CUX2: variants seen among roughly 807,000 people sequenced by gnomAD.
CUX2 encodes homeobox protein cut-like 2.
CUX2 carries 40 observed loss-of-function variants against 144.8 expected under a neutral mutation model. That is an observed-to-expected ratio of 0.28 (90% CI 0.21 to 0.36). CUX2 has a LOEUF of 0.36. CUX2 is among the 10% of genes least tolerant of loss of function. CUX2 has a pLI of 1.00. For missense variants in CUX2, 1,615 were observed against 1,994.0 expected, an observed-to-expected ratio of 0.81 and a Z score of 3.62; for synonymous variants, 827 against 875.6, an observed-to-expected ratio of 0.94 and a Z score of 0.98.
intron 1 of CUX2, among the ~76,000 whole-genome samples, chr12:111,119,448 A>T (rs116585465): frequency 0.014 from 2,179 of 151,506 alleles, 48 homozygotes; most frequent in African/African-American, 0.049. Context: ...TAAAAAAAAA[A>T]TTTTTTTTCT....
At chr12:111,245,355 G>A (rs1433218649) in intron 3 of CUX2, among the ~76,000 whole-genome samples, 1 of 151,084 alleles carries the variant, frequency 6.6e-6, no homozygotes, top group Admixed American at 6.6e-5. Flanking sequence ...GGGCAACATA[G>A]TGAGACCCCC....
chr12:111,317,382 CTG>C (rs1476445593), intron 16 of CUX2, among the ~76,000 whole-genome samples: 2 of 150,930 alleles, frequency 1.3e-5, no homozygotes, highest in Non-Finnish European at 1.5e-5. Context: ...TCTCAGGTGT[CTG>C]TGTGTATGTG....
At chr12:111,195,683 G>A (rs1428922611) in intron 1 of CUX2, among the ~76,000 whole-genome samples, 2 of 152,282 alleles carry the variant, frequency 1.3e-5, no homozygotes, top group African/African-American at 2.4e-5. Context: ...GGTAATCACC[G>A]TAGCTAGGGA....
chr12:111,131,978 C>T (rs1401317815), intron 1 of CUX2, among the ~76,000 whole-genome samples: 2 of 152,214 alleles, frequency 1.3e-5, no homozygotes, highest in Non-Finnish European at 2.9e-5. Context: ...AGGCAGTGCC[C>T]CAGTAGGGAC....
At chr12:111,167,695 TTTGTTTG>T (rs756965606) in intron 1 of CUX2, among the ~76,000 whole-genome samples, 2,480 of 150,450 alleles carry the variant, frequency 0.016, 59 homozygotes, top group African/African-American at 0.055. Flanking sequence ...TGTTTGTTTG[TTTGTTTG>T]TTTCTTTTTT....
chr12:111,199,177 G>A (rs1003744181), intron 1 of CUX2, among the ~76,000 whole-genome samples: 2 of 152,158 alleles, frequency 1.3e-5, no homozygotes, highest in African/African-American at 2.4e-5. Context: ...TTGAAGAGAC[G>A]TGGCTGGGAT....
chr12:111,340,498 C>T (rs1045065523), intron 20 of CUX2, among the ~76,000 whole-genome samples: 4 of 152,072 alleles, frequency 2.6e-5, no homozygotes, highest in African/African-American at 7.2e-5. Flanking sequence ...TGCTTGAGGC[C>T]AAGAGTTTGA....
intron 1 of CUX2, among the ~76,000 whole-genome samples, chr12:111,054,494 CTTTTTAAATT>C (rs761957082): frequency 5.9e-5 from 9 of 152,194 alleles, no homozygotes; most frequent in Admixed American, 1.3e-4. Flanking sequence ...CTCAGAAGAG[CTTTTTAAATT>C]TTTTTAAATT....
At chr12:111,131,181 C>T (rs1421548883) in intron 1 of CUX2, among the ~76,000 whole-genome samples, 1 of 152,116 alleles carries the variant, frequency 6.6e-6, no homozygotes, top group Non-Finnish European at 1.5e-5. Flanking sequence ...AGGCAAAAGG[C>T]ACTTCTTACA....
chr12:111,140,035 GC>G, intron 1 of CUX2, among the ~76,000 whole-genome samples: 1 of 152,284 alleles, frequency 6.6e-6, no homozygotes, highest in East Asian at 1.9e-4. Flanking sequence ...CGTGGGACCT[GC>G]CCTACAGTGT....
In CUX2 at chr12:111,320,703, G is replaced by A. The variant is rs1329069352; in HGVS notation, c.2694G>A (p.Thr898=). 39 of 1,591,614 alleles carry A rather than the reference G, an allele frequency of 2.5e-5. No homozygotes were observed. The highest frequency in any genetic ancestry group is 1.7e-4 in the Middle Eastern group (1 of 5,928). The change falls in exon 17 of 22, where the codon ACG becomes ACA. Residue 898 remains threonine (T), a synonymous_variant. Coordinates refer to ENST00000261726, the MANE Select transcript of CUX2 (RefSeq NM_015267.4). This position sits in a 1 kb window ranked among gnomAD's most constrained non-coding sequence, Gnocchi z 8.1. ...YELYMYREVD[T]LELTRQVKEK... ...TGTACATGTACCGTGAGGTAGACACGCTGGAGCTCACCCGCCAGGTCAAGG... is the reference window on the plus strand; with the variant it reads ...TGTACATGTACCGTGAGGTAGACACACTGGAGCTCACCCGCCAGGTCAAGG...
In CUX2 at chr12:111,348,055, G is replaced by T; in HGVS notation, c.4191G>T (p.Ser1397=). Residue 1397 remains serine (S), a synonymous_variant, in exon 22 of 22, where the codon TCG becomes TCT. Transcript: ENST00000261726. ...GCAGCCTGGAGGTGTCACTGAACTC[G>T]CCCTCGGCCGCCTCCTCACCAGGCC... ...SRCSLEVSLN[S]PSAASSPGLM... 1.9e-6 allele frequency: 3 copies of T among 1,613,942 alleles called. No homozygotes were observed. Among genetic ancestry groups the T allele is most frequent in the South Asian group, 2.2e-5 (2 of 91,074 alleles).
At chr12:111,257,715 C>T (rs1883911405) in intron 3 of CUX2, among the ~76,000 whole-genome samples, 1 of 139,694 alleles carries the variant, frequency 7.2e-6, no homozygotes, top group South Asian at 2.5e-4. Flanking sequence ...CATTCTCCAT[C>T]TTCCTCCTCT....
chr12:111,308,858 C>G (rs1886732532), intron 14 of CUX2, among the ~76,000 whole-genome samples: 1 of 152,282 alleles, frequency 6.6e-6, no homozygotes, highest in East Asian at 1.9e-4. Flanking sequence ...CCACAGCCGA[C>G]CACTGTGGGG....
At chr12:111,145,791 C>T (rs905665972) in intron 1 of CUX2, among the ~76,000 whole-genome samples, 8 of 152,124 alleles carry the variant, frequency 5.3e-5, no homozygotes, top group Admixed American at 2.6e-4. Flanking sequence ...CTCAGCCTCC[C>T]GAGTAGCTGG....
intron 4 of CUX2, among the ~76,000 whole-genome samples, chr12:111,275,900 C>T (rs760256316): frequency 1.3e-5 from 2 of 152,110 alleles, no homozygotes; most frequent in South Asian, 2.1e-4. Context: ...CAGGGTCTAA[C>T]GAAAATTCAG....
chr12:111,231,809 T>G (rs1882475148), intron 3 of CUX2, among the ~76,000 whole-genome samples: 1 of 152,156 alleles, frequency 6.6e-6, no homozygotes, highest in Non-Finnish European at 1.5e-5. Context: ...TAGAGATGAT[T>G]TAAAGTATAC....
At chr12:111,118,140 T>A (rs1337775485) in intron 1 of CUX2, among the ~76,000 whole-genome samples, 2 of 152,172 alleles carry the variant, frequency 1.3e-5, no homozygotes, top group Non-Finnish European at 2.9e-5. Context: ...TTATATCAGT[T>A]CACTAGAGCC....
rs143349332 is a variant in CUX2 at position 111,275,488 on chromosome 12, T to C, written c.301+11649T>C. On this transcript the variant is annotated intron_variant, in intron 4 of 21. Coordinates refer to ENST00000261726, the MANE Select transcript of CUX2 (RefSeq NM_015267.4). The stretch of plus-strand genomic sequence containing the variant: ...GCTGGCAGCTCTGGGCAGCCGCATG[T>C]GTCGGCTGGAAGGCTTCCGGGAGAA... 3.4e-3 allele frequency among the ~76,000 whole-genome samples: 525 copies of C among 152,310 alleles called. 3 individuals carry two copies. Among genetic ancestry groups the C allele is most frequent in the African/African-American group, 0.012 (490 of 41,568 alleles).
Sources: allele counts gnomAD v4.1 joint callset (sites outside exome capture counted in the v4.1 genomes callset), GRCh38; gene constraint gnomAD v4.1.1; non-coding constraint Gnocchi (gnomAD v3.1); transcripts MANE v1.5; gene names NCBI Gene and HGNC (gene_info 2026-07-23, HGNC 2026-07-21).